The following SULT1A1 variants were observed in gnomAD, a reference collection of about 807,000 sequenced individuals.
The protein encoded by SULT1A1 is sulfotransferase 1A1.
SULT1A1 carries 35 observed loss-of-function variants against 36.8 expected under a neutral mutation model. That is an observed-to-expected ratio of 0.95 (90% CI 0.73 to 1.26). The LOEUF (loss-of-function observed/expected upper bound fraction) is 1.26, where lower values mean the gene tolerates loss of function less well. SULT1A1 is among the 50% of genes most tolerant of loss of function. SULT1A1 has a pLI of 0.00. For missense variants in SULT1A1, 309 were observed against 383.0 expected (o/e 0.81, Z 1.61); for synonymous variants, 119 against 146.0 (o/e 0.82, Z 1.33).
At chr16:28,608,645 C>A in intron 2 of SULT1A1, 42 bp from the exon 3 acceptor site, 2 of 1,610,920 alleles carry the variant, frequency 1.2e-6, no homozygotes, top group Non-Finnish European at 1.7e-6. Context: ...GCTGAGGGCA[C>A]GACCTCGCTG....
At chr16:28,610,227 C>T, upstream of SULT1A1, 2 of 1,256,970 alleles carry the variant, frequency 1.6e-6, no homozygotes, top group Non-Finnish European at 1.0e-6. Context: ...GGGGAAAGGC[C>T]CAATGGTGGG....
intron 2 of SULT1A1, among the ~76,000 whole-genome samples, chr16:28,616,705 G>T (rs1052681734): frequency 8.5e-5 from 13 of 152,092 alleles, no homozygotes; most frequent in African/African-American, 2.4e-4. Flanking sequence ...TTACAGGCAT[G>T]AGCCACCACA....
chr16:28,617,161 G>T (rs1200508916), intron 2 of SULT1A1, among the ~76,000 whole-genome samples: 1 of 151,910 alleles, frequency 6.6e-6, no homozygotes, highest in Non-Finnish European at 1.5e-5. Flanking sequence ...GACTACAGGT[G>T]TGAGCCACCA....
At chr16:28,606,726 A>T (rs4149388) in intron 6 of SULT1A1, 35 bp downstream of exon 6, 581,583 of 1,572,858 alleles carry the variant, frequency 0.37, 110,170 homozygotes, top group Admixed American at 0.46. Flanking sequence ...TGCCCCCAGG[A>T]GTCACATGGA....
At position 28,605,655 on chromosome 16, in the gene SULT1A1, T is replaced by C; in HGVS notation, c.*166A>G. On this transcript the variant is annotated 3_prime_UTR_variant, in exon 8 of 8. Coordinates refer to ENST00000314752, the MANE Select transcript of SULT1A1 (RefSeq NM_001055.4). The stretch of plus-strand genomic sequence containing the variant: ...CAGAATCTCACTATGTTGCCCAGGT[T>C]GGTCTCGAACTCCTGGGCTCAAATG... The C allele has an allele frequency of 9.0e-7, 1 of 1,109,492 alleles. No individual in the cohort carries two copies. The allele number at this position is 1,109,492 out of a possible 1,614,324, so 68.7% of individuals were successfully genotyped here. A position where few individuals can be genotyped will look rare whatever the true frequency, so the allele number is the denominator to read the frequency against.
intron 1 of SULT1A1, among the ~76,000 whole-genome samples, chr16:28,620,563 C>CAAAAAAA (rs5816469): frequency 9.9e-5 from 9 of 90,836 alleles, no homozygotes; most frequent in Non-Finnish European, 1.3e-4. Flanking sequence ...GACCCTGTCT[C>CAAAAAAA]AAAAAAAAAA....
intron 2 of SULT1A1, among the ~76,000 whole-genome samples, chr16:28,616,839 C>T (rs1424039188): frequency 6.6e-6 from 1 of 152,084 alleles, no homozygotes; most frequent in Non-Finnish European, 1.5e-5. Flanking sequence ...CAACAGTCTC[C>T]AGGATCCAAA....
upstream of SULT1A1, chr16:28,610,276 T>TTG (rs2047401399): frequency 2.1e-5 from 23 of 1,119,196 alleles, no homozygotes; most frequent in Non-Finnish European, 2.3e-5. Context: ...TTTTTTTTTT[T>TTG]TTTTTTTTTT....
chr16:28,621,555 T>C (rs1171633588), intron 1 of SULT1A1, among the ~76,000 whole-genome samples: 1 of 150,556 alleles, frequency 6.6e-6, no homozygotes, highest in Non-Finnish European at 1.5e-5. Flanking sequence ...ATCTCACTAG[T>C]TTTTTGAGGA....
chr16:28,610,264 G>GT (rs538720119), upstream of SULT1A1: 43,270 of 342,440 alleles, frequency 0.13, 2,129 homozygotes, highest in South Asian at 0.15. Flanking sequence ...TTTTTTTTCT[G>GT]TTTTTTTTTT....
At chr16:28,610,834 T>G (rs1344672506), upstream of SULT1A1, 2 of 152,506 alleles carry the variant, frequency 1.3e-5, no homozygotes, top group Non-Finnish European at 2.9e-5. Context: ...CCCATCCTCC[T>G]CGTTCTTTAT....
intron 2 of SULT1A1, among the ~76,000 whole-genome samples, chr16:28,619,751 C>T (rs28368626): frequency 7.1e-4 from 5 of 7,026 alleles, no homozygotes; most frequent in Non-Finnish European, 1.9e-3. Context: ...TATATATATA[C>T]ATATATATAT....
At chr16:28,620,138 T>C (rs766850281) in intron 1 of SULT1A1, 1 of 1,612,120 alleles carries the variant, frequency 6.2e-7, no homozygotes, top group South Asian at 1.1e-5. Context: ...TCATACCTAT[T>C]TGCAAAAACA....
At chr16:28,623,233 G>C (rs1215980363) in exon 1 of SULT1A1, 2 of 1,544,838 alleles carry the variant, frequency 1.3e-6, no homozygotes, top group Non-Finnish European at 8.7e-7. Flanking sequence ...GCGCGCTCCA[G>C]CAGGCCCAGC....
exon 1 of SULT1A1, chr16:28,623,253 T>G (rs2047694476): frequency 6.5e-7 from 1 of 1,544,936 alleles, no homozygotes; most frequent in South Asian, 1.2e-5. Context: ...CCACACGTAG[T>G]TGAAGTTGGC....
rs542399801 is a variant in SULT1A1 at position 28,608,362 on chromosome 16, C to T, written c.301G>A (p.Ala101Thr). The T allele has an allele frequency of 1.2e-6, 2 of 1,612,352 alleles. No individual in the cohort carries two copies. The highest frequency in any genetic ancestry group is 2.2e-5 in the South Asian group (2 of 91,020). ...AGGTGTGTCTTCAGGAGTCGTGGGG[C>T]CGGTGTGTCTTTCAGAGTCTCCATC... ...SGMETLKDTPAPRLLKTHLPL... is the reference protein window; with the variant it reads ...SGMETLKDTPTPRLLKTHLPL... The change falls in exon 4 of 8, where the codon GCC becomes ACC. Residue 101 changes from alanine to threonine, a missense_variant. Ala to Thr is a moderately conservative substitution (Grantham distance 58, BLOSUM62 0). Around this residue, in one of 3 missense-constraint regions of SULT1A1, gnomAD observed 219 missense variants for 215.3 expected, o/e 1.02. Transcript: ENST00000314752.
At chr16:28,619,337 A>C (rs1215204010) in intron 2 of SULT1A1, among the ~76,000 whole-genome samples, 3 of 152,196 alleles carry the variant, frequency 2.0e-5, no homozygotes, top group Non-Finnish European at 2.9e-5. Context: ...TTTCCAATTC[A>C]TGAGAAGTAT....
In SULT1A1 at chr16:28,606,269, G is replaced by A. The variant is rs370566944; in HGVS notation, c.595-33C>T. On this transcript the variant is annotated intron_variant, in intron 6 of 7. Coordinates refer to ENST00000314752, the MANE Select transcript of SULT1A1 (RefSeq NM_001055.4). ...GCAGAGGGCCCCTCAGTGGAGGCTCGGATTACTGATTCAGGAAAAGTAAAA... is the reference window on the plus strand; with the variant it reads ...GCAGAGGGCCCCTCAGTGGAGGCTCAGATTACTGATTCAGGAAAAGTAAAA... The A allele has an allele frequency of 2.8e-5, 45 of 1,611,180 alleles. 1 individual carries two copies. The highest frequency in any genetic ancestry group is 2.7e-4 in the East Asian group (12 of 44,866).
At chr16:28,622,333 G>A (rs1374923194) in intron 1 of SULT1A1, among the ~76,000 whole-genome samples, 1 of 152,114 alleles carries the variant, frequency 6.6e-6, no homozygotes, top group Non-Finnish European at 1.5e-5. Context: ...TATTTTTCAG[G>A]TAACATTTCC....
Sources: allele counts gnomAD v4.1 joint callset (sites outside exome capture counted in the v4.1 genomes callset), GRCh38; gene constraint gnomAD v4.1.1; regional missense constraint gnomAD v4.1.1; transcripts MANE v1.5; gene names NCBI Gene and HGNC (gene_info 2026-07-23, HGNC 2026-07-21).